Variants in TUBGCP6 observed in about 807,000 individuals in gnomAD.
The protein encoded by TUBGCP6 is gamma-tubulin complex component 6.
In TUBGCP6, 161 loss-of-function variants were observed where a neutral mutation model predicts 175.8. That is an observed-to-expected ratio of 0.92 (90% CI 0.81 to 1.04). The LOEUF (loss-of-function observed/expected upper bound fraction) is 1.04. Ranked by LOEUF, TUBGCP6 falls within the 50% of genes least tolerant of loss-of-function variation. The probability of loss-of-function intolerance (pLI) is 0.00; values close to 1 mark genes in which losing one functional copy is unlikely to be tolerated. For missense variants in TUBGCP6, 2,572 were observed against 2,433.0 expected (o/e 1.06, Z -1.20); for synonymous variants, 1,173 against 1,030.5 (o/e 1.14, Z -2.65).
chr22:50,224,787 G>C (rs1163581868), intron 10 of TUBGCP6, among the ~76,000 whole-genome samples, 195 bp from the exon 11 acceptor site: 3 of 152,114 alleles, frequency 2.0e-5, no homozygotes, highest in African/African-American at 7.2e-5. Context: ...GGTGCCTGTA[G>C]TATCAACTAT....
At chr22:50,227,475 C>T (rs146881202) in intron 5 of TUBGCP6, among the ~76,000 whole-genome samples, 2,186 of 152,270 alleles carry the variant, frequency 0.014, 23 homozygotes, top group Non-Finnish European at 0.022. Context: ...AGTGTCTCAG[C>T]CCTTGGGTCT....
chr22:50,229,419 C>T lies in TUBGCP6; in HGVS notation c.1275G>A (p.Lys425=). The stretch of plus-strand genomic sequence containing the variant: ...AAGGCCATACCTGGAACACGAGGCC[C>T]TTGCTGTACAAAGAGTCCAGGACGG... ...LQPVLDSLYS[K]GLVFQAFTSG... The change falls in exon 4 of 25, where the codon AAG becomes AAA. Residue 425 remains lysine, a synonymous_variant. Coordinates refer to ENST00000248846, the MANE Select transcript of TUBGCP6 (RefSeq NM_020461.4). 1 of 1,613,594 alleles carries T rather than the reference C, an allele frequency of 6.2e-7. No homozygotes were observed. Among genetic ancestry groups the T allele is most frequent in the Non-Finnish European group, 8.5e-7 (1 of 1,179,902 alleles).
intron 10 of TUBGCP6, among the ~76,000 whole-genome samples, chr22:50,225,242 C>T (rs2064588345): frequency 6.6e-6 from 1 of 152,132 alleles, no homozygotes; most frequent in South Asian, 2.1e-4. Context: ...TTAGGCCTGC[C>T]CCTGCCCAAG....
intron 10 of TUBGCP6, 32 bp downstream of exon 10, chr22:50,225,762 A>G (rs956845512): frequency 3.1e-6 from 5 of 1,590,212 alleles, no homozygotes; most frequent in Non-Finnish European, 8.6e-7. Context: ...GCAGGGGCGA[A>G]GAAAGCCCCC....
At chr22:50,227,648 G>A (rs1376482010) in intron 5 of TUBGCP6, among the ~76,000 whole-genome samples, 1 of 152,210 alleles carries the variant, frequency 6.6e-6, no homozygotes, top group Non-Finnish European at 1.5e-5. Flanking sequence ...ACATCTCCAG[G>A]GACCCTGTGT....
In TUBGCP6 at chr22:50,219,169, C is replaced by T. The variant is rs759594714; in HGVS notation, c.4525G>A (p.Val1509Met). The change falls in exon 20 of 25, where the codon GTG becomes ATG. Residue 1509 changes from valine to methionine, a missense_variant. Val to Met is a conservative substitution (Grantham distance 21). Coordinates refer to ENST00000248846, the MANE Select transcript of TUBGCP6 (RefSeq NM_020461.4). ...VNKAAVDYFF[V>M]ELHLEAHYEA... ...TAGTGCGCCTCCAGGTGCAGCTCCA[C>T]GAAGAAGTAGTCGACAGCGGCCTTG... is the stretch of plus-strand genomic sequence containing the variant. 1.2e-5 allele frequency: 19 copies of T among 1,612,400 alleles called. No homozygotes were observed. Among genetic ancestry groups the T allele is most frequent in the Middle Eastern group, 1.7e-4 (1 of 6,026 alleles).
In TUBGCP6 at chr22:50,220,309, C is replaced by T. The variant is rs1270102835; in HGVS notation, c.4050G>A (p.Val1350=). The T allele has an allele frequency of 6.3e-7, 1 of 1,575,892 alleles. No individual in the cohort carries two copies. Among genetic ancestry groups the T allele is most frequent in the Non-Finnish European group, 8.6e-7 (1 of 1,156,652 alleles). ...SISVGENVSD[V]APTQPWWPNT... is the part of the protein sequence containing the mutation. ...TGGGCCACCATGGTTGGGTGGGAGC[C>T]ACGTCTGACACGTTCTCCCCCACGC... The change falls in exon 16 of 25, where the codon GTG becomes GTA. Residue 1350 remains valine, a synonymous_variant. Transcript: ENST00000248846.
rs548576466 is a variant in TUBGCP6 at position 50,222,580 on chromosome 22, G to C, written c.2283C>G (p.Val761=). Residue 761 remains valine, a synonymous_variant, in exon 14 of 25, where the codon GTC becomes GTG. Transcript: ENST00000248846. The part of the protein sequence containing the change: ...ELERKARQAL[V]DHYSKLSAEA... ...CTGCAGAGAGCTTGCTGTAGTGGTC[G>C]ACCAGTGCCTGCCTGAAGCCACACA... 6.2e-7 allele frequency: 1 copy of C among 1,611,668 alleles called. No homozygotes were observed. Among genetic ancestry groups the C allele is most frequent in the East Asian group, 2.2e-5 (1 of 44,884 alleles).
rs753702719 is a variant in TUBGCP6 at position 50,224,338 on chromosome 22, G to T, written c.2148C>A (p.Asp716Glu). ...FQRLKEQFVK[D>E]QERRQAARQE... ...AGGGACAGGTCCTACCCACCTCCTG[G>T]TCCTTCACAAATTGTTCTTTCAGCC... Residue 716 changes from aspartate (D) to glutamate (E), a missense_variant, in exon 12 of 25, where the codon GAC becomes GAA. Physicochemically the swap from Asp to Glu is conservative, Grantham distance 45. Transcript: ENST00000248846. 1.9e-6 allele frequency: 3 copies of T among 1,614,206 alleles called. No homozygotes were observed. In the East Asian group the frequency reaches 6.7e-5, roughly 36 times the overall value.
At position 50,226,364 on chromosome 22, in the gene TUBGCP6, C is replaced by T; in HGVS notation, c.1616G>A (p.Trp539Ter). Residue 539 changes from tryptophan (W) to a stop codon, truncating the protein, a stop_gained, in exon 8 of 25, where the codon TGG becomes TAG. Coordinates refer to ENST00000248846, the MANE Select transcript of TUBGCP6 (RefSeq NM_020461.4). LOFTEE classifies it high-confidence loss of function. ...CEPYTRFIHD[W>*]VYSGVFRDAY... ...GTCTCTGAACACCCCGCTGTACACC[C>T]AGTCGTGGATGAACCTGCAGTGGGG... The T allele has an allele frequency of 6.2e-7, 1 of 1,609,784 alleles. No homozygotes were observed. The highest frequency in any genetic ancestry group is 1.1e-5 in the South Asian group (1 of 90,640).
intron 2 of TUBGCP6, among the ~76,000 whole-genome samples, chr22:50,236,332 T>TC (rs1010567578): frequency 3.5e-4 from 53 of 152,180 alleles, no homozygotes; most frequent in African/African-American, 1.2e-3. Flanking sequence ...AGATGGGGTT[T>TC]CACCGTGTTA....
At chr22:50,231,516 T>G (rs1423425585) in intron 3 of TUBGCP6, among the ~76,000 whole-genome samples, 1 of 151,610 alleles carries the variant, frequency 6.6e-6, no homozygotes, top group Non-Finnish European at 1.5e-5. Context: ...AAGCTGGCTC[T>G]TTGAAAAGAT....
At chr22:50,227,819 C>A in intron 5 of TUBGCP6, 88 bp downstream of exon 5, 2 of 1,511,700 alleles carry the variant, frequency 1.3e-6, no homozygotes, top group East Asian at 5.0e-5. Context: ...GCCCTCCTTG[C>A]CAGGGAGCAG....
chr22:50,233,548 G>A (rs2064721680), intron 2 of TUBGCP6, 22 bp from the exon 3 acceptor site: 2 of 1,581,728 alleles, frequency 1.3e-6, no homozygotes, highest in Non-Finnish European at 1.7e-6. Flanking sequence ...GCAGAAGAGA[G>A]GCCATGAGCA....
chr22:50,220,423 G>A lies in TUBGCP6; in HGVS notation c.3936C>T (p.Ser1312=). ...SQSALSLGAQ[S]TVLDCGPRLP... is the part of the protein sequence containing the mutation. The stretch of plus-strand genomic sequence containing the variant: ...GCCGTGGCCCACAGTCCAGCACAGT[G>A]CTCTGTGCTCCCAGGCTGAGCGCTG... The change falls in exon 16 of 25, where the codon AGC becomes AGT. Residue 1312 remains serine (S), a synonymous_variant. Coordinates refer to ENST00000248846, the MANE Select transcript of TUBGCP6 (RefSeq NM_020461.4). The A allele has an allele frequency of 1.9e-6, 3 of 1,608,560 alleles. No individual in the cohort carries two copies. Among genetic ancestry groups the A allele is most frequent in the Non-Finnish European group, 2.5e-6 (3 of 1,177,794 alleles).
In TUBGCP6 at chr22:50,228,030, T is replaced by C. The variant is rs1240594394; in HGVS notation, c.1291-2A>G. ...CCTCCTCAGGCCACTGGTGAAGGCC[T>C]GTGGGCAAAGAGGCTGGGAGGAGGG... is the stretch of plus-strand genomic sequence containing the variant. On this transcript the variant is annotated splice_acceptor_variant, in intron 4 of 24. Coordinates refer to ENST00000248846, the MANE Select transcript of TUBGCP6 (RefSeq NM_020461.4). LOFTEE classifies it high-confidence loss of function. 3 of 1,545,030 alleles carry C rather than the reference T, an allele frequency of 1.9e-6. No homozygotes were observed. The South Asian group carries it at 3.6e-5, about 19-fold the overall frequency.
Position 50,233,519 on chromosome 22 carries a change from CA to C in TUBGCP6, c.912del (p.Gly305AlafsTer8), listed in dbSNP as rs758277011. On this transcript the variant is annotated frameshift_variant, in exon 3 of 25. Transcript: ENST00000248846. LOFTEE classifies it high-confidence loss of function. ...GTCAGGTAAGGCTCCTCTCTGTGGC[CA>C]GGGGGGCTGCGAGGGGTGCAGAAGA... Reference protein sequence around the residue: ...RRCWERVGCPPGHREEPYLTE... With the variant: ...RRCWERVGCPXGHREEPYLTE... 16 of 1,604,322 alleles carry C rather than the reference CA, an allele frequency of 1.0e-5. No homozygotes were observed. Among genetic ancestry groups the C allele is most frequent in the African/African-American group, 2.7e-5 (2 of 74,700 alleles).
intron 2 of TUBGCP6, among the ~76,000 whole-genome samples, chr22:50,239,923 G>C (rs1217226941): frequency 6.6e-6 from 1 of 152,172 alleles, no homozygotes; most frequent in Non-Finnish European, 1.5e-5. Context: ...CTGCCCGACA[G>C]GTGTGATCTG....
chr22:50,230,638 G>A (rs892218124), intron 3 of TUBGCP6, among the ~76,000 whole-genome samples: 21 of 149,908 alleles, frequency 1.4e-4, no homozygotes, highest in South Asian at 2.1e-4. Flanking sequence ...TTAGCCAGCC[G>A]TGGTGGTGCA....
Sources: allele counts gnomAD v4.1 joint callset (sites outside exome capture counted in the v4.1 genomes callset), GRCh38; gene constraint gnomAD v4.1.1; transcripts MANE v1.5; gene names NCBI Gene and HGNC (gene_info 2026-07-23, HGNC 2026-07-21).